The following EML2 variants were observed in gnomAD, a reference collection of about 807,000 sequenced individuals.
EML2 encodes the protein echinoderm microtubule-associated protein-like 2.
EML2 carries 59 observed loss-of-function variants against 84.7 expected under a neutral mutation model. The observed-to-expected ratio is 0.70, with a 90% CI of 0.56 to 0.86. The LOEUF is 0.86. Ranked by LOEUF, EML2 falls within the 40% of genes least tolerant of loss-of-function variation. The pLI, the probability that EML2 is intolerant of heterozygous loss-of-function variation, is 0.00. For synonymous variants in EML2, 352 were observed against 348.9 expected (o/e 1.01, Z -0.10); for missense variants, 818 against 855.6 (o/e 0.96, Z 0.55).
rs1396565174 is a variant in EML2 at position 45,621,235 on chromosome 19, A to C, written c.1094T>G (p.Val365Gly). 1 of 1,613,988 alleles carries C rather than the reference A, an allele frequency of 6.2e-7. No individual in the cohort carries two copies. Among genetic ancestry groups the C allele is most frequent in the Non-Finnish European group, 8.5e-7 (1 of 1,180,010 alleles). The change falls in exon 11 of 19, where the codon GTG becomes GGG. Residue 365 changes from valine to glycine, a missense_variant. Val to Gly is a moderately radical substitution (Grantham distance 109). Coordinates refer to ENST00000245925, the MANE Select transcript of EML2 (RefSeq NM_012155.4). ...TTRNSILQGS[V>G]HTGFSLLVQG... ...GACCAGCAGTGAGAAGCCTGTGTGC[A>C]CGGAGCCCTGCAGGATGGAATTGCG...
At chr19:45,637,667 C>CTTTTTTTTTTTTTTTTTTTTTTTTT (rs58180181) in intron 3 of EML2, among the ~76,000 whole-genome samples, 1 of 48,916 alleles carries the variant, frequency 2.0e-5, no homozygotes, top group Non-Finnish European at 4.0e-5. Flanking sequence ...TTTTTCTTTT[C>CTTTTTTTTTTTTTTTTTTTTTTTTT]TTTTTTTTTT....
intron 3 of EML2, among the ~76,000 whole-genome samples, chr19:45,637,604 G>A (rs1299757415): frequency 6.8e-6 from 1 of 146,600 alleles, no homozygotes; most frequent in African/African-American, 2.5e-5. Flanking sequence ...TCAGCCTCCA[G>A]AGTAGCTGGG....
rs544214011 is a variant in EML2 at position 45,635,065 on chromosome 19, G to A, written c.180-594C>T. Among the ~76,000 whole-genome samples the A allele has an allele frequency of 2.9e-3, 444 of 152,078 alleles. 5 individuals are homozygous for A. Among genetic ancestry groups the A allele is most frequent in the African/African-American group, 9.9e-3 (411 of 41,486 alleles). ...GGGATTTCACCATGTTGGCCAGGATGGTCTCAATCTCCTGACCTCATGATC... is the reference window on the plus strand; with the variant it reads ...GGGATTTCACCATGTTGGCCAGGATAGTCTCAATCTCCTGACCTCATGATC... On this transcript the variant is annotated intron_variant, in intron 3 of 18. Coordinates refer to ENST00000245925, the MANE Select transcript of EML2 (RefSeq NM_012155.4).
rs919631184 is a variant in EML2, at chr19:45,614,662, C to T, written c.1636G>A (p.Ala546Thr). Residue 546 changes from alanine to threonine, a missense_variant, in exon 17 of 19, where the codon GCT (alanine) becomes ACT (threonine). Transcript: ENST00000245925. ...ATCKQITSAD[A>T]VRNMEWATAT... ...GTGGCCCATTCCATGTTCCTCACAG[C>T]ATCCGCACTGGTGATCTGCTTACAG... is the stretch of plus-strand genomic sequence containing the variant. 3 of 1,613,978 alleles carry T rather than the reference C, an allele frequency of 1.9e-6. No homozygotes were observed. The highest frequency in any genetic ancestry group is 1.3e-5 in the African/African-American group (1 of 74,934).
intron 3 of EML2, among the ~76,000 whole-genome samples, chr19:45,636,831 C>T (rs1463480957): frequency 2.0e-5 from 3 of 152,246 alleles, no homozygotes; most frequent in African/African-American, 7.2e-5. Context: ...CCATGCCACC[C>T]AGCTACTGTA....
At chr19:45,630,248 T>C (rs1972866112) in intron 6 of EML2, among the ~76,000 whole-genome samples, 1 of 151,504 alleles carries the variant, frequency 6.6e-6, no homozygotes. Context: ...ACAAAACAAA[T>C]TTAAATATTA....
At position 45,638,540 on chromosome 19, in the gene EML2, C is replaced by G. The variant is rs766643237; in HGVS notation, c.144G>C (p.Ser48=). 2 of 1,614,018 alleles carry G rather than the reference C, an allele frequency of 1.2e-6. No individual in the cohort carries two copies. The highest frequency in any genetic ancestry group is 1.7e-6 in the Non-Finnish European group (2 of 1,180,006). The change falls in exon 3 of 19, where the codon TCG becomes TCC. Residue 48 remains serine, a synonymous_variant. Coordinates refer to ENST00000245925, the MANE Select transcript of EML2 (RefSeq NM_012155.4). ...GCTTGAGCCGGCAAGAAGGCAGCTCCGAGCGTGTGTCCAGGCTGTAGGTGG... is the reference window on the plus strand; with the variant it reads ...GCTTGAGCCGGCAAGAAGGCAGCTCGGAGCGTGTGTCCAGGCTGTAGGTGG... ...LAPTYSLDTR[S]ELPSCRLKLE...
upstream of EML2, chr19:45,643,797 C>G (rs868399564): frequency 1.0e-5 from 15 of 1,460,532 alleles, no homozygotes; most frequent in South Asian, 2.8e-5. Flanking sequence ...CCCTGCCCCC[C>G]ACTCAGCGCC....
At chr19:45,610,905 A>G (rs1053660684) in intron 18 of EML2, among the ~76,000 whole-genome samples, 3 of 152,234 alleles carry the variant, frequency 2.0e-5, no homozygotes, top group African/African-American at 7.2e-5. Context: ...AGTTAATGGC[A>G]TAAATAGAAG....
At chr19:45,626,493 C>T (rs1190023141) in intron 8 of EML2, among the ~76,000 whole-genome samples, 1 of 150,234 alleles carries the variant, frequency 6.7e-6, no homozygotes, top group Non-Finnish European at 1.5e-5. Context: ...GTGATCCTTC[C>T]ACCTCATGGT....
At chr19:45,615,556 T>TAATAATAATAATA (rs1568435464) in intron 16 of EML2, among the ~76,000 whole-genome samples, 3 of 115,894 alleles carry the variant, frequency 2.6e-5, no homozygotes, top group Non-Finnish European at 5.9e-5. Flanking sequence ...TAATAATAAT[T>TAATAATAATAATA]AAAAATTTAA....
chr19:45,626,929 T>TGAG (rs1972415131), intron 7 of EML2, 90 bp from the exon 8 acceptor site: 23 of 1,323,128 alleles, frequency 1.7e-5, no homozygotes, highest in Non-Finnish European at 2.2e-5. Context: ...TAAACGGCTG[T>TGAG]TTGTGTTGTA....
chr19:45,641,845 C>G (rs1479906682), upstream of EML2: 2 of 1,489,616 alleles, frequency 1.3e-6, no homozygotes, highest in Non-Finnish European at 1.8e-6. Context: ...GCTGCTGGAG[C>G]TCAGGCAAAC....
chr19:45,638,541 G>C lies in EML2; in HGVS notation c.143C>G (p.Ser48Trp). Residue 48 changes from serine (S) to tryptophan (W), a missense_variant, in exon 3 of 19, where the codon TCG becomes TGG. Ser to Trp is a radical substitution (Grantham distance 177). Transcript: ENST00000245925. ...CTTGAGCCGGCAAGAAGGCAGCTCC[G>C]AGCGTGTGTCCAGGCTGTAGGTGGG... is the stretch of plus-strand genomic sequence containing the variant. The part of the protein sequence containing the change: ...LAPTYSLDTR[S>W]ELPSCRLKLE... The C allele has an allele frequency of 6.2e-7, 1 of 1,614,018 alleles. No individual in the cohort carries two copies. Among genetic ancestry groups the C allele is most frequent in the Non-Finnish European group, 8.5e-7 (1 of 1,180,012 alleles).
At position 45,615,824 on chromosome 19, in the gene EML2, G is replaced by A. The variant is rs1970991227; in HGVS notation, c.1575C>T (p.Ser525=). The part of the protein sequence containing the change: ...AQDSSCFVTN[S]GDYEILYWDP... ...CACAGTACAGAATCTCATAGTCCCC[G>A]GAGTTGGTGACAAAGCAGCTGCTGT... The change falls in exon 16 of 19, where the codon TCC becomes TCT. Residue 525 remains serine, a synonymous_variant. Coordinates refer to ENST00000245925, the MANE Select transcript of EML2 (RefSeq NM_012155.4). The A allele has an allele frequency of 6.2e-7, 1 of 1,613,832 alleles. No individual in the cohort carries two copies. The highest frequency in any genetic ancestry group is 1.1e-5 in the South Asian group (1 of 91,074).
rs142635935 is a variant in EML2 at position 45,626,774 on chromosome 19, G to A, written c.672C>T (p.Cys224=). 4.6e-5 allele frequency: 75 copies of A among 1,613,674 alleles called. No homozygotes were observed. Among genetic ancestry groups the A allele is most frequent in the African/African-American group, 2.7e-4 (20 of 74,820 alleles). ...TCCAGAAGTAGATGTGAGATTTCCC[G>A]CAGGTGATAAGCACAGTGGGGTCCG... The part of the protein sequence containing the change: ...HPTDPTVLIT[C]GKSHIYFWTL... The change falls in exon 8 of 19, where the codon TGC becomes TGT. Residue 224 remains cysteine (C), a synonymous_variant. Coordinates refer to ENST00000245925, the MANE Select transcript of EML2 (RefSeq NM_012155.4).
At chr19:45,630,551 CA>C (rs764565313) in intron 6 of EML2, among the ~76,000 whole-genome samples, 166 of 106,144 alleles carry the variant, frequency 1.6e-3, no homozygotes, top group Admixed American at 1.6e-3. Flanking sequence ...GACTCTGTCT[CA>C]AAAAAAAAAA....
At chr19:45,642,297 C>T, upstream of EML2, 2 of 1,535,936 alleles carry the variant, frequency 1.3e-6, no homozygotes, top group Non-Finnish European at 1.7e-6. Flanking sequence ...GCCGCTGCTC[C>T]AGCGCCGACA....
intron 12 of EML2, among the ~76,000 whole-genome samples, chr19:45,618,399 T>G (rs1971323199): frequency 6.6e-6 from 1 of 152,100 alleles, no homozygotes; most frequent in Non-Finnish European, 1.5e-5. Context: ...GTTTACATTT[T>G]AATTAATTGT....
Sources: gnomAD v4.1 joint callset for allele counts (sites outside exome capture counted in the v4.1 genomes callset) on GRCh38, gnomAD v4.1.1 for gene constraint, MANE v1.5 for transcripts, NCBI Gene and HGNC (gene_info 2026-07-23, HGNC 2026-07-21) for gene names.